Variants in KIAA1217 observed in about 807,000 individuals in gnomAD.
KIAA1217 encodes the protein KIAA1217.
KIAA1217 carries 88 observed loss-of-function variants against 163.9 expected under a neutral mutation model. The observed-to-expected ratio is 0.54, with a 90% CI of 0.45 to 0.64. KIAA1217 has a LOEUF of 0.64. Among genes scored for constraint, KIAA1217 ranks in the 30% least tolerant of loss-of-function variants. KIAA1217 has a pLI of 0.00. For synonymous variants in KIAA1217, 903 were observed against 923.1 expected (o/e 0.98, Z 0.39); for missense variants, 2,372 against 2,475.0 (o/e 0.96, Z 0.88).
chr10:23,745,531 G>A (rs916092306), intron 1 of KIAA1217, among the ~76,000 whole-genome samples: 26 of 152,118 alleles, frequency 1.7e-4, no homozygotes, highest in Admixed American at 9.8e-4. Context: ...TGATGTTTCC[G>A]TGTGTCCTGC....
rs79079677 is a variant in KIAA1217, at chr10:24,225,531, G to T, written c.354+5622G>T. Among the ~76,000 whole-genome samples the T allele has an allele frequency of 8.6e-3, 1,302 of 152,246 alleles. 18 individuals carry two copies. The highest frequency in any genetic ancestry group is 0.03 in the African/African-American group (1,247 of 41,558). On this transcript the variant is annotated intron_variant, in intron 2 of 20. Transcript: ENST00000376454. ...AACTGGTATTTTTCTTTCATTCAGTGCTTAGTATTCATATTTCTTTTATTT... is the reference window on the plus strand; with the variant it reads ...AACTGGTATTTTTCTTTCATTCAGTTCTTAGTATTCATATTTCTTTTATTT...
chr10:24,310,663 G>A (rs1042129380), intron 2 of KIAA1217, among the ~76,000 whole-genome samples: 9 of 152,144 alleles, frequency 5.9e-5, no homozygotes, highest in Admixed American at 5.9e-4. Context: ...CTCCAGGTGT[G>A]CCTCTAACAC....
chr10:24,107,898 A>G (rs1482825690), intron 2 of KIAA1217, among the ~76,000 whole-genome samples: 2 of 152,230 alleles, frequency 1.3e-5, no homozygotes, highest in East Asian at 1.9e-4. Flanking sequence ...TTTTATAGGT[A>G]TAGAACTAGC....
At chr10:24,228,275 C>A (rs547768506) in intron 2 of KIAA1217, among the ~76,000 whole-genome samples, 9 of 151,890 alleles carry the variant, frequency 5.9e-5, no homozygotes, top group East Asian at 1.9e-4. Context: ...ACAACAACAA[C>A]AAAAAATCAA....
intron 2 of KIAA1217, among the ~76,000 whole-genome samples, chr10:24,117,009 T>C (rs1174247673): frequency 4.6e-5 from 7 of 151,832 alleles, no homozygotes; most frequent in Non-Finnish European, 1.0e-4. Flanking sequence ...TTCTTGGTGA[T>C]AAGGAAGGAA....
intron 2 of KIAA1217, among the ~76,000 whole-genome samples, chr10:24,230,309 C>G (rs1217071883): frequency 1.3e-5 from 2 of 152,044 alleles, no homozygotes; most frequent in Non-Finnish European, 2.9e-5. Flanking sequence ...TATATACTTA[C>G]TGGTTGAGCA....
Position 24,356,438 on chromosome 10 carries a change from A to T in KIAA1217, c.355-24431A>T, listed in dbSNP as rs143341488. On this transcript the variant is annotated intron_variant, in intron 2 of 20. Coordinates refer to ENST00000376454, the MANE Select transcript of KIAA1217 (RefSeq NM_019590.5). Reference sequence around the variant, plus strand: ...CAAAAAGCACTTAGAGCTCCTGCCCATTAGTCTAGGCCTTCCTTGATAATA... The same window carrying T: ...CAAAAAGCACTTAGAGCTCCTGCCCTTTAGTCTAGGCCTTCCTTGATAATA... Among the ~76,000 whole-genome samples, 6 of 152,316 alleles carry T rather than the reference A, an allele frequency of 3.9e-5. No individual in the cohort carries two copies. In the East Asian group the frequency reaches 1.2e-3, roughly 29 times the overall value.
Position 24,432,987 on chromosome 10 carries a change from G to T in KIAA1217, c.554-8G>T, listed in dbSNP as rs933121126. 3 of 1,613,074 alleles carry T rather than the reference G, an allele frequency of 1.9e-6. No homozygotes were observed. Among genetic ancestry groups the T allele is most frequent in the Non-Finnish European group, 2.5e-6 (3 of 1,179,226 alleles). ...CCTGTGACTAATAACTGTTTCCTTT[G>T]TGTGCAGGGGTTCTCTATCTCCAGT... On this transcript the variant is annotated splice_polypyrimidine_tract_variant and splice_region_variant and intron_variant, in intron 3 of 20. Transcript: ENST00000376454.
chr10:24,104,280 G>A (rs534764748), intron 2 of KIAA1217, among the ~76,000 whole-genome samples: 2 of 152,142 alleles, frequency 1.3e-5, no homozygotes, highest in Non-Finnish European at 2.9e-5. Flanking sequence ...CCTCCAGTAA[G>A]TGAATGGATA....
rs769551226 is a variant in KIAA1217, at chr10:24,544,358, C to T, written c.5088C>T (p.Asn1696=). The stretch of plus-strand genomic sequence containing the variant: ...TAGTTGATACCTCATGTTCTTCCAA[C>T]AGAGATTCTGTTGCAAGTTCATCCC... The part of the protein sequence containing the change: ...KALVDTSCSS[N]RDSVASSSHI... The change falls in exon 19 of 21, where the codon AAC becomes AAT. Residue 1696 remains asparagine (N), a synonymous_variant. Transcript: ENST00000376454. The T allele has an allele frequency of 8.7e-6, 14 of 1,614,152 alleles. No individual in the cohort carries two copies. The highest frequency in any genetic ancestry group is 2.2e-5 in the South Asian group (2 of 91,078).
At position 24,495,155 on chromosome 10, in the gene KIAA1217, T is replaced by C. The variant is rs1335404945; in HGVS notation, c.1793T>C (p.Met598Thr). ...SYSKDASSEKMMKTTANRNHT... is the reference protein window; with the variant it reads ...SYSKDASSEKTMKTTANRNHT... Reference sequence around the variant, plus strand: ...CTTTTTCTTTTATTCAGCGAGAAAATGATGAAAACCACAGCCAACAGGAAC... The same window carrying C: ...CTTTTTCTTTTATTCAGCGAGAAAACGATGAAAACCACAGCCAACAGGAAC... Residue 598 changes from methionine (M) to threonine (T), a missense_variant, in exon 8 of 21, where the codon ATG (methionine) becomes ACG (threonine). Physicochemically the swap from Met to Thr is moderately conservative, Grantham distance 81. Coordinates refer to ENST00000376454, the MANE Select transcript of KIAA1217 (RefSeq NM_019590.5). 6.2e-7 allele frequency: 1 copy of C among 1,610,080 alleles called. No individual in the cohort carries two copies. The highest frequency in any genetic ancestry group is 8.5e-7 in the Non-Finnish European group (1 of 1,178,986).
At chr10:23,875,572 A>G (rs1201120440) in intron 1 of KIAA1217, among the ~76,000 whole-genome samples, 2 of 151,992 alleles carry the variant, frequency 1.3e-5, no homozygotes, top group Non-Finnish European at 2.9e-5. Flanking sequence ...TAGAAATACC[A>G]TTTGACCCAG....
chr10:23,791,477 T>C (rs1835949374), intron 1 of KIAA1217, among the ~76,000 whole-genome samples: 1 of 152,214 alleles, frequency 6.6e-6, no homozygotes, highest in Non-Finnish European at 1.5e-5. Flanking sequence ...TAAGGACCCT[T>C]TGGTGTTAAT....
At chr10:24,065,711 C>A (rs910143318) in intron 2 of KIAA1217, among the ~76,000 whole-genome samples, 1 of 152,130 alleles carries the variant, frequency 6.6e-6, no homozygotes, top group Admixed American at 6.5e-5. Flanking sequence ...AACTTTCTGT[C>A]TCATTGATCT....
At chr10:24,503,543 T>C (rs941971351) in intron 9 of KIAA1217, among the ~76,000 whole-genome samples, 6 of 152,342 alleles carry the variant, frequency 3.9e-5, no homozygotes, top group Admixed American at 1.3e-4. Context: ...AATTGGCCCC[T>C]TTAAAGGATA....
intron 3 of KIAA1217, among the ~76,000 whole-genome samples, chr10:24,398,039 C>T (rs1008482811): frequency 4.6e-5 from 7 of 152,284 alleles, no homozygotes; most frequent in Non-Finnish European, 7.4e-5. Context: ...GGATTAGGGG[C>T]GCTGACTCCC....
chr10:24,470,514 GGA>G (rs1188621191), intron 5 of KIAA1217, among the ~76,000 whole-genome samples: 2 of 152,248 alleles, frequency 1.3e-5, no homozygotes. Flanking sequence ...TAGCACATGG[GGA>G]GAGAGACCCT....
chr10:24,029,773 G>A (rs1398326201), intron 2 of KIAA1217, among the ~76,000 whole-genome samples: 2 of 152,186 alleles, frequency 1.3e-5, no homozygotes, highest in African/African-American at 2.4e-5. Context: ...CCCATGATGC[G>A]TAGAGTGGTT....
chr10:24,410,273 G>C (rs567803284), intron 3 of KIAA1217, among the ~76,000 whole-genome samples: 2 of 152,230 alleles, frequency 1.3e-5, no homozygotes, highest in African/African-American at 4.8e-5. Context: ...TGGGATTACA[G>C]GTGTGAGTCA....
Sources: allele counts gnomAD v4.1 joint callset (sites outside exome capture counted in the v4.1 genomes callset), GRCh38; gene constraint gnomAD v4.1.1; transcripts MANE v1.5; gene names NCBI Gene and HGNC (gene_info 2026-07-23, HGNC 2026-07-21).